PDZD2: variants seen among roughly 807,000 people sequenced by gnomAD.
PDZD2 encodes the protein PDZ domain-containing protein 2.
In PDZD2, 90 loss-of-function variants were observed where a neutral mutation model predicts 220.7. That is an observed-to-expected ratio of 0.41 (90% confidence interval 0.34 to 0.49). PDZD2 has a LOEUF of 0.49. Ranked by LOEUF, PDZD2 falls within the 20% of genes least tolerant of loss-of-function variation. The pLI, the probability that PDZD2 is intolerant of heterozygous loss-of-function variation, is 0.28. For synonymous variants in PDZD2, 1,375 were observed against 1,450.5 expected, an observed-to-expected ratio of 0.95 and a Z score of 1.18; for missense variants, 3,174 against 3,608.5, an observed-to-expected ratio of 0.88 and a Z score of 3.08.
intron 1 of PDZD2, among the ~76,000 whole-genome samples, chr5:31,707,302 TA>T (rs1284512704): frequency 3.9e-5 from 4 of 101,662 alleles, no homozygotes; most frequent in African/African-American, 1.8e-4. Flanking sequence ...TAAAGTTTAA[TA>T]AATAAATTAA....
At chr5:31,794,825 A>G (rs1753936421) in intron 1 of PDZD2, among the ~76,000 whole-genome samples, 2 of 152,204 alleles carry the variant, frequency 1.3e-5, no homozygotes, top group Admixed American at 6.5e-5. Context: ...TGAGAAGAGC[A>G]TAGGAAGATT....
At chr5:31,714,882 C>T (rs1748344272) in intron 1 of PDZD2, among the ~76,000 whole-genome samples, 1 of 151,842 alleles carries the variant, frequency 6.6e-6, no homozygotes, top group Non-Finnish European at 1.5e-5. Flanking sequence ...CACGGTGAAA[C>T]CCCGTCTCTA....
chr5:31,727,957 C>G (rs1466659442), intron 1 of PDZD2, among the ~76,000 whole-genome samples: 5 of 146,290 alleles, frequency 3.4e-5, no homozygotes, highest in Admixed American at 7.0e-5. Flanking sequence ...GAGCCAAGAT[C>G]GCACCACTGC....
At chr5:31,841,666 G>T (rs1294355478) in intron 2 of PDZD2, among the ~76,000 whole-genome samples, 7 of 147,686 alleles carry the variant, frequency 4.7e-5, no homozygotes, top group African/African-American at 1.8e-4. Flanking sequence ...AGTGAGACTT[G>T]TCTCAAAAAA....
chr5:32,001,401 G>A (rs963699661), intron 5 of PDZD2, among the ~76,000 whole-genome samples: 3 of 152,166 alleles, frequency 2.0e-5, no homozygotes, highest in Admixed American at 6.5e-5. Flanking sequence ...TGGAGGAGGC[G>A]CTGTGAATCC....
chr5:31,894,973 T>G (rs764123602), intron 2 of PDZD2, among the ~76,000 whole-genome samples: 2 of 152,002 alleles, frequency 1.3e-5, no homozygotes, highest in South Asian at 2.1e-4. Flanking sequence ...CACCGCAACC[T>G]CCGCCTCCTG....
intron 6 of PDZD2, among the ~76,000 whole-genome samples, chr5:32,027,909 A>G (rs1754801181): frequency 6.6e-6 from 1 of 152,196 alleles, no homozygotes; most frequent in Non-Finnish European, 1.5e-5. Flanking sequence ...CAACCTAAAA[A>G]TAATCTTAGT....
rs140259822 is a variant in PDZD2, at chr5:32,072,163, C to T, written c.2571C>T (p.Asp857=). Residue 857 remains aspartate, a splice_region_variant and synonymous_variant, in exon 17 of 25, where the codon GAC becomes GAT. Coordinates refer to ENST00000438447, the MANE Select transcript of PDZD2 (RefSeq NM_178140.4). ...PLKSPSLAKK[D]SLISESELSQ... is the part of the protein sequence containing the mutation. Reference sequence around the variant, plus strand: ...TCGGATGTTTTCTTCTTCAACAGGACTCCCTTATTTCTGAATCTGAACTCT... The same window carrying T: ...TCGGATGTTTTCTTCTTCAACAGGATTCCCTTATTTCTGAATCTGAACTCT... The T allele has an allele frequency of 1.5e-5, 24 of 1,603,602 alleles. No individual in the cohort carries two copies. The East Asian group carries it at 5.1e-4, about 34-fold the overall frequency.
At chr5:31,998,276 C>T (rs1054688572) in intron 4 of PDZD2, among the ~76,000 whole-genome samples, 4 of 152,214 alleles carry the variant, frequency 2.6e-5, no homozygotes, top group African/African-American at 4.8e-5. Context: ...TCCCATTCCC[C>T]TTCTCCCACC....
intron 1 of PDZD2, among the ~76,000 whole-genome samples, chr5:31,652,916 G>A (rs1038924850): frequency 6.6e-6 from 1 of 152,146 alleles, no homozygotes; most frequent in Non-Finnish European, 1.5e-5. Context: ...GGAGGCTGAG[G>A]TGGGAGAATC....
intron 1 of PDZD2, among the ~76,000 whole-genome samples, chr5:31,710,805 A>C (rs1477857085): frequency 7.0e-6 from 1 of 143,842 alleles, no homozygotes; most frequent in Non-Finnish European, 1.5e-5. Flanking sequence ...GACAAGAGCA[A>C]AACTCCGTCT....
chr5:31,987,137 G>A (rs1037598254), intron 3 of PDZD2, among the ~76,000 whole-genome samples: 13 of 152,010 alleles, frequency 8.6e-5, no homozygotes, highest in African/African-American at 2.2e-4. Flanking sequence ...GAGTTTTTGC[G>A]AGTCTGCTTA....
intron 2 of PDZD2, among the ~76,000 whole-genome samples, chr5:31,967,264 T>G (rs899348879): frequency 1.3e-5 from 2 of 152,126 alleles, no homozygotes; most frequent in Admixed American, 6.6e-5. Flanking sequence ...TGAATTTGTG[T>G]GTGAGGAGCA....
At chr5:31,845,165 G>C (rs1267697112) in intron 2 of PDZD2, among the ~76,000 whole-genome samples, 1 of 152,170 alleles carries the variant, frequency 6.6e-6, no homozygotes, top group Non-Finnish European at 1.5e-5. Context: ...GCGGGGATAG[G>C]GGAAGGGTGT....
intron 2 of PDZD2, among the ~76,000 whole-genome samples, chr5:31,897,623 A>G (rs1462850955): frequency 6.6e-6 from 1 of 152,326 alleles, no homozygotes; most frequent in South Asian, 2.1e-4. Context: ...GGGCAGAAAA[A>G]GAAGTAGCAT....
At chr5:32,047,157 T>C (rs1432612765) in intron 7 of PDZD2, among the ~76,000 whole-genome samples, 1 of 152,160 alleles carries the variant, frequency 6.6e-6, no homozygotes, top group Admixed American at 6.6e-5. Context: ...TTTACAACTT[T>C]ACGAAAGGAA....
chr5:31,761,370 C>T (rs554605968), intron 1 of PDZD2, among the ~76,000 whole-genome samples: 20 of 151,410 alleles, frequency 1.3e-4, no homozygotes, highest in Middle Eastern at 3.4e-3. Flanking sequence ...AAAAAGATAA[C>T]GTGAGAAATG....
At chr5:31,897,621 A>T (rs1192484720) in intron 2 of PDZD2, among the ~76,000 whole-genome samples, 1 of 152,228 alleles carries the variant, frequency 6.6e-6, no homozygotes, top group Non-Finnish European at 1.5e-5. Context: ...TAGGGCAGAA[A>T]AAGAAGTAGC....
chr5:31,687,317 A>T (rs1249806697), intron 1 of PDZD2, among the ~76,000 whole-genome samples: 1 of 152,168 alleles, frequency 6.6e-6, no homozygotes, highest in African/African-American at 2.4e-5. Context: ...ATCTATTTTT[A>T]AAAAATAAAC....
Sources: gnomAD v4.1 joint callset for allele counts (sites outside exome capture counted in the v4.1 genomes callset) on GRCh38, gnomAD v4.1.1 for gene constraint, MANE v1.5 for transcripts, NCBI Gene and HGNC (gene_info 2026-07-23, HGNC 2026-07-21) for gene names.